The following AGBL1 variants were observed in gnomAD, a reference collection of about 807,000 sequenced individuals.
The protein encoded by AGBL1 is cytosolic carboxypeptidase 4.
AGBL1 carries 130 observed loss-of-function variants against 118.9 expected under a neutral mutation model. The ratio of observed to expected loss-of-function variants is 1.09; its 90% CI spans 0.95 to 1.26. The LOEUF (loss-of-function observed/expected upper bound fraction) is 1.26, where lower values mean the gene tolerates loss of function less well. AGBL1 is among the 50% of genes most tolerant of loss of function. AGBL1 has a pLI of 0.00. For missense variants in AGBL1, 1,584 were observed against 1,298.1 expected (o/e 1.22, Z -3.38); for synonymous variants, 555 against 478.9 (o/e 1.16, Z -2.08).
chr15:86,723,456 G>A (rs1449207942), intron 22 of AGBL1, among the ~76,000 whole-genome samples: 2 of 152,256 alleles, frequency 1.3e-5, no homozygotes, highest in East Asian at 3.9e-4. Context: ...ATTGAACAAT[G>A]AGAACACATG....
intron 18 of AGBL1, among the ~76,000 whole-genome samples, chr15:86,446,762 T>A (rs1466273694): frequency 2.0e-5 from 3 of 152,224 alleles, no homozygotes; most frequent in Non-Finnish European, 4.4e-5. Flanking sequence ...TCCCTGCAGC[T>A]CATATGCTTT....
chr15:86,811,975 A>G (rs1023057173), intron 22 of AGBL1, among the ~76,000 whole-genome samples: 11 of 152,216 alleles, frequency 7.2e-5, no homozygotes, highest in Non-Finnish European at 1.5e-4. Context: ...AAAAATGCCT[A>G]TCTCACTCAC....
chr15:86,124,120 A>G (rs1229231553), intron 1 of AGBL1, among the ~76,000 whole-genome samples: 1 of 152,126 alleles, frequency 6.6e-6, no homozygotes, highest in Non-Finnish European at 1.5e-5. Flanking sequence ...ACTTGAGGCC[A>G]GGAGTTCAAG....
chr15:86,994,309 C>CTATA (rs1167231030), intron 24 of AGBL1, among the ~76,000 whole-genome samples: 1 of 134,312 alleles, frequency 7.4e-6, no homozygotes, highest in Non-Finnish European at 1.5e-5. Context: ...ATCTCTCTCT[C>CTATA]TCTATATATA....
intron 1 of AGBL1, among the ~76,000 whole-genome samples, chr15:86,120,578 G>A (rs1197175373): frequency 6.6e-6 from 1 of 152,176 alleles, no homozygotes; most frequent in Non-Finnish European, 1.5e-5. Context: ...CACCTCCACT[G>A]CACAACAGCC....
intron 22 of AGBL1, among the ~76,000 whole-genome samples, chr15:86,699,711 T>C (rs2086323093): frequency 6.6e-6 from 1 of 152,054 alleles, no homozygotes; most frequent in Non-Finnish European, 1.5e-5. Context: ...TTCATACACT[T>C]AGACATGAGC....
At chr15:86,623,320 C>A (rs1596316168) in intron 21 of AGBL1, among the ~76,000 whole-genome samples, 2 of 152,162 alleles carry the variant, frequency 1.3e-5, no homozygotes. Context: ...ATCATAAATG[C>A]TGGATGGGAT....
In AGBL1 at chr15:86,652,278, T is replaced by C. The variant is rs539879776; in HGVS notation, c.2995-21995T>C. On this transcript the variant is annotated intron_variant, in intron 21 of 22. Coordinates refer to ENST00000614907, the MANE Select transcript of AGBL1 (RefSeq NM_001386094.1). Reference sequence around the variant, plus strand: ...GGAGCTTCGCAGCTGTGACATGACTTCCACTTAGTGACAAAGGGGATAAAA... The same window carrying C: ...GGAGCTTCGCAGCTGTGACATGACTCCCACTTAGTGACAAAGGGGATAAAA... Among the ~76,000 whole-genome samples, 17 of 152,268 alleles carry C rather than the reference T, an allele frequency of 1.1e-4. No individual in the cohort carries two copies. In the East Asian group the frequency reaches 3.3e-3, roughly 29 times the overall value.
At chr15:86,381,486 G>A (rs555453618) in intron 17 of AGBL1, among the ~76,000 whole-genome samples, 22 of 152,042 alleles carry the variant, frequency 1.4e-4, no homozygotes, top group African/African-American at 5.3e-4. Context: ...GAAACTTAGG[G>A]GTAAAGGACC....
intron 23 of AGBL1, among the ~76,000 whole-genome samples, chr15:86,932,149 G>T (rs901729994): frequency 3.3e-5 from 5 of 152,172 alleles, no homozygotes; most frequent in African/African-American, 1.2e-4. Context: ...CTCAAACCCA[G>T]GTTTCCCAAG....
intron 21 of AGBL1, among the ~76,000 whole-genome samples, chr15:86,567,088 T>G (rs1412401876): frequency 6.6e-6 from 1 of 152,214 alleles, no homozygotes; most frequent in Non-Finnish European, 1.5e-5. Flanking sequence ...ATTAACAGGA[T>G]CATTAATGGT....
intron 22 of AGBL1, among the ~76,000 whole-genome samples, chr15:86,765,821 A>G (rs376566156): frequency 6.6e-6 from 1 of 151,964 alleles, no homozygotes; most frequent in Non-Finnish European, 1.5e-5. Flanking sequence ...AGGACAGATA[A>G]AACACAACAG....
intron 24 of AGBL1, among the ~76,000 whole-genome samples, chr15:87,011,951 G>A (rs531865799): frequency 3.3e-5 from 5 of 151,628 alleles, no homozygotes; most frequent in South Asian, 2.1e-4. Flanking sequence ...TACATATTCC[G>A]TTTACTTTCC....
At chr15:86,293,306 C>A (rs944590133) in intron 16 of AGBL1, among the ~76,000 whole-genome samples, 1 of 152,102 alleles carries the variant, frequency 6.6e-6, no homozygotes. Flanking sequence ...TCTCACTGGG[C>A]GAAGACCAGG....
intron 21 of AGBL1, among the ~76,000 whole-genome samples, chr15:86,627,230 C>T (rs550417974): frequency 1.3e-5 from 2 of 152,146 alleles, no homozygotes; most frequent in Non-Finnish European, 2.9e-5. Context: ...GAACTCCCGA[C>T]CTCAGGTGAT....
intron 5 of AGBL1, among the ~76,000 whole-genome samples, chr15:86,163,156 G>T (rs79925784): frequency 7.2e-5 from 11 of 152,214 alleles, no homozygotes; most frequent in African/African-American, 1.9e-4. Context: ...TTCAAACGAG[G>T]CTGAGCATGG....
intron 22 of AGBL1, among the ~76,000 whole-genome samples, chr15:86,689,714 C>G (rs1049055184): frequency 6.6e-6 from 1 of 152,014 alleles, no homozygotes; most frequent in African/African-American, 2.4e-5. Context: ...TTAGCTGTAA[C>G]TATAGAAACG....
intron 21 of AGBL1, among the ~76,000 whole-genome samples, chr15:86,641,190 A>T (rs1387772700): frequency 1.3e-5 from 2 of 152,082 alleles, no homozygotes; most frequent in Non-Finnish European, 2.9e-5. Context: ...TTGACATGTA[A>T]ATATATTAAT....
intron 22 of AGBL1, among the ~76,000 whole-genome samples, chr15:86,830,348 C>T (rs2141413486): frequency 6.6e-6 from 1 of 152,078 alleles, no homozygotes; most frequent in East Asian, 1.9e-4. Context: ...TTAGTTTTGC[C>T]TGTTTTTGAA....
Sources: gnomAD v4.1 joint callset for allele counts (sites outside exome capture counted in the v4.1 genomes callset) on GRCh38, gnomAD v4.1.1 for gene constraint, MANE v1.5 for transcripts, NCBI Gene and HGNC (gene_info 2026-07-23, HGNC 2026-07-21) for gene names.